The following LDLRAD3 variants were observed in gnomAD, a reference collection of about 807,000 sequenced individuals.
LDLRAD3 encodes low density lipoprotein receptor class A domain containing 3, also known as low-density lipoprotein receptor class A domain-containing protein 3.
Under a neutral mutation model 29.4 loss-of-function variants are expected in LDLRAD3, and 20 were observed. That is an observed-to-expected ratio of 0.68 (90% confidence interval 0.48 to 0.99). The LOEUF (loss-of-function observed/expected upper bound fraction) is 0.99. LDLRAD3 is among the 50% of genes least tolerant of loss of function. The pLI is 0.00. For missense variants in LDLRAD3, 420 were observed against 454.3 expected (o/e 0.92, Z 0.69); for synonymous variants, 157 against 192.7 (o/e 0.81, Z 1.53).
intron 2 of LDLRAD3, among the ~76,000 whole-genome samples, chr11:36,047,642 G>A (rs2422126): frequency 0.031 from 4,762 of 152,270 alleles, 237 homozygotes; most frequent in Admixed American, 0.13. Flanking sequence ...TGCTTAGAGG[G>A]TAGCAGACAG....
At position 36,098,445 on chromosome 11, in the gene LDLRAD3, C is replaced by T; in HGVS notation, c.438C>T (p.Ser146=). 1 of 1,614,216 alleles carries T rather than the reference C, an allele frequency of 6.2e-7. No individual in the cohort carries two copies. Among genetic ancestry groups the T allele is most frequent in the Non-Finnish European group, 8.5e-7 (1 of 1,180,026 alleles). ...GTCAAGACAACAGTGATGAGGAAAG[C>T]TGTGAAAGTTCTCAAGGTAGGAACC... is the stretch of plus-strand genomic sequence containing the variant. ...NNCQDNSDEE[S]CESSQEPGSG... is the part of the protein sequence containing the mutation. Residue 146 remains serine, a synonymous_variant, in exon 4 of 6, where the codon AGC becomes AGT. Coordinates refer to ENST00000315571, the MANE Select transcript of LDLRAD3 (RefSeq NM_174902.4).
chr11:36,172,796 G>T (rs2133349623), intron 4 of LDLRAD3, among the ~76,000 whole-genome samples: 1 of 152,022 alleles, frequency 6.6e-6, no homozygotes, highest in South Asian at 2.1e-4. Flanking sequence ...TTATTTTTTG[G>T]TTATGTCCTT....
intron 4 of LDLRAD3, among the ~76,000 whole-genome samples, chr11:36,150,087 A>G (rs1854256204): frequency 6.6e-6 from 1 of 152,124 alleles, no homozygotes; most frequent in Non-Finnish European, 1.5e-5. Context: ...TGCAGGGGGT[A>G]TCGTTTACCT....
At chr11:36,109,508 C>G (rs984024515) in intron 4 of LDLRAD3, among the ~76,000 whole-genome samples, 1 of 152,096 alleles carries the variant, frequency 6.6e-6, no homozygotes, top group East Asian at 1.9e-4. Context: ...GAGAATCTGC[C>G]GTATTATTTT....
At chr11:35,987,529 C>T (rs1027568710) in intron 1 of LDLRAD3, among the ~76,000 whole-genome samples, 1 of 152,184 alleles carries the variant, frequency 6.6e-6, no homozygotes, top group Non-Finnish European at 1.5e-5. Context: ...TCTGTTCCTG[C>T]ATGAATTCAC....
At chr11:36,074,686 G>T (rs1437329991) in intron 2 of LDLRAD3, among the ~76,000 whole-genome samples, 1 of 152,226 alleles carries the variant, frequency 6.6e-6, no homozygotes, top group Non-Finnish European at 1.5e-5. Context: ...TCTCAGCGTA[G>T]ATGGCAAAGC....
intron 4 of LDLRAD3, among the ~76,000 whole-genome samples, chr11:36,221,800 C>G (rs956748681): frequency 6.6e-6 from 1 of 152,258 alleles, no homozygotes; most frequent in Middle Eastern, 3.4e-3. Context: ...CATCTATTCC[C>G]CTTCCTGGAA....
intron 4 of LDLRAD3, among the ~76,000 whole-genome samples, chr11:36,221,508 A>C (rs1855428821): frequency 2.0e-5 from 3 of 152,172 alleles, no homozygotes; most frequent in Non-Finnish European, 4.4e-5. Flanking sequence ...GACAGGAAAC[A>C]ATAAAGGAAC....
intron 1 of LDLRAD3, among the ~76,000 whole-genome samples, chr11:36,027,540 G>A (rs575187010): frequency 2.6e-5 from 4 of 152,172 alleles, no homozygotes; most frequent in Non-Finnish European, 5.9e-5. Flanking sequence ...TCTTATTTAA[G>A]AATTTCTTCC....
At chr11:36,074,094 C>G (rs1852954567) in intron 2 of LDLRAD3, among the ~76,000 whole-genome samples, 1 of 152,160 alleles carries the variant, frequency 6.6e-6, no homozygotes, top group African/African-American at 2.4e-5. Context: ...GCCATGTTCT[C>G]CGGCCTCACT....
rs1388057238 is a variant in LDLRAD3, at chr11:36,143,943, CCTCCCT to C, written c.454+45486_454+45491del. Reference sequence around the variant, plus strand: ...CTCTCCCCCTCCCCCTCCCCCTCCCCCTCCCTCTCTTGCCACGGTCTCCCTCTGATG... The same window carrying C: ...CTCTCCCCCTCCCCCTCCCCCTCCCCCTCTTGCCACGGTCTCCCTCTGATG... On this transcript the variant is annotated intron_variant, in intron 4 of 5. Transcript: ENST00000315571. Among the ~76,000 whole-genome samples, 15 of 126,104 alleles carry C rather than the reference CCTCCCT, an allele frequency of 1.2e-4. No individual in the cohort carries two copies. In the Admixed American group the frequency reaches 1.3e-3, roughly 11 times the overall value. 82.7% of individuals were successfully genotyped at this position (126,104 alleles called of 152,430 possible).
At chr11:36,007,251 G>A (rs575242796) in intron 1 of LDLRAD3, among the ~76,000 whole-genome samples, 3 of 152,280 alleles carry the variant, frequency 2.0e-5, no homozygotes, top group African/African-American at 4.8e-5. Flanking sequence ...GGTGTAATTC[G>A]CAGGAATGTG....
intron 4 of LDLRAD3, among the ~76,000 whole-genome samples, chr11:36,102,245 C>G (rs1853461158): frequency 6.6e-6 from 1 of 152,172 alleles, no homozygotes; most frequent in Non-Finnish European, 1.5e-5. Context: ...CTAAGCACCT[C>G]TGTACATGAG....
chr11:36,008,285 C>G (rs553788414), intron 1 of LDLRAD3, among the ~76,000 whole-genome samples: 1 of 152,186 alleles, frequency 6.6e-6, no homozygotes, highest in East Asian at 1.9e-4. Flanking sequence ...GCACCTGAGG[C>G]CTGAAAATGT....
chr11:36,067,161 G>A (rs941645323), intron 2 of LDLRAD3, among the ~76,000 whole-genome samples: 6 of 151,992 alleles, frequency 3.9e-5, no homozygotes, highest in African/African-American at 1.4e-4. Flanking sequence ...AGTACTCCTT[G>A]GCTTCCCCAG....
intron 4 of LDLRAD3, among the ~76,000 whole-genome samples, chr11:36,200,341 G>A (rs561136698): frequency 6.6e-6 from 1 of 152,036 alleles, no homozygotes; most frequent in Non-Finnish European, 1.5e-5. Context: ...CACGCACTCC[G>A]GTGTTCCCTC....
chr11:36,073,291 A>T (rs1852937680), intron 2 of LDLRAD3, among the ~76,000 whole-genome samples: 1 of 152,228 alleles, frequency 6.6e-6, no homozygotes, highest in Non-Finnish European at 1.5e-5. Flanking sequence ...TCTTCCTGCT[A>T]ATGAAAGCTG....
chr11:36,098,910 C>T (rs1470506886), intron 4 of LDLRAD3, among the ~76,000 whole-genome samples: 1 of 151,976 alleles, frequency 6.6e-6, no homozygotes, highest in Non-Finnish European at 1.5e-5. Context: ...TTTAAGTTTA[C>T]ATTGCTGACA....
At position 36,187,752 on chromosome 11, in the gene LDLRAD3, C is replaced by T. The variant is rs548736005; in HGVS notation, c.455-39333C>T. Among the ~76,000 whole-genome samples, 9 of 152,230 alleles carry T rather than the reference C, an allele frequency of 5.9e-5. No individual in the cohort carries two copies. In the South Asian group the frequency reaches 1.0e-3, roughly 18 times the overall value. On this transcript the variant is annotated intron_variant, in intron 4 of 5. Transcript: ENST00000315571. ...TGTTGGTAGGGTGAGAAACACTATCCCAAGTCATATGTCTGTGTGACTACA... is the reference window on the plus strand; with the variant it reads ...TGTTGGTAGGGTGAGAAACACTATCTCAAGTCATATGTCTGTGTGACTACA...
Sources: allele counts gnomAD v4.1 joint callset (sites outside exome capture counted in the v4.1 genomes callset), GRCh38; gene constraint gnomAD v4.1.1; transcripts MANE v1.5; gene names NCBI Gene and HGNC (gene_info 2026-07-23, HGNC 2026-07-21).